CCNH: variants seen among roughly 807,000 people sequenced by gnomAD.
CCNH encodes cyclin-H.
CCNH carries 31 observed loss-of-function variants against 41.9 expected under a neutral mutation model. That is an observed-to-expected ratio of 0.74 (90% CI 0.56 to 1.00). The LOEUF is 1.00. CCNH is among the 50% of genes least tolerant of loss of function. CCNH has a pLI of 0.00. For synonymous variants in CCNH, 138 were observed against 136.1 expected (o/e 1.01, Z -0.10); for missense variants, 362 against 388.4 (o/e 0.93, Z 0.57).
intron 9 of CCNH, among the ~76,000 whole-genome samples, chr5:87,355,956 A>G (rs1314417613): frequency 6.6e-6 from 1 of 152,182 alleles, no homozygotes; most frequent in Admixed American, 6.6e-5. Flanking sequence ...GATGTGACTG[A>G]ATTACTCCAC....
rs749686780 is a variant in CCNH, at chr5:87,399,426, A to C, written c.840T>G (p.Cys280Trp). ...VAVLKQKLER[C>W]HSAELALNVI... ...CGTTAAGTGCAAGCTCAGCAGAATGACATCGCTCCAACTTCTGTTTCAGAA... is the reference window on the plus strand; with the variant it reads ...CGTTAAGTGCAAGCTCAGCAGAATGCCATCGCTCCAACTTCTGTTTCAGAA... The change falls in exon 7 of 9, where the codon TGT becomes TGG. Residue 280 changes from cysteine to tryptophan, a missense_variant. Cys to Trp is a radical substitution (Grantham distance 215). Coordinates refer to ENST00000256897, the MANE Select transcript of CCNH (RefSeq NM_001239.4). The C allele has an allele frequency of 6.2e-7, 1 of 1,613,770 alleles. No homozygotes were observed. Among genetic ancestry groups the C allele is most frequent in the Admixed American group, 1.7e-5 (1 of 60,016 alleles).
chr5:87,321,058 G>A (rs888014269), intron 9 of CCNH, among the ~76,000 whole-genome samples: 1 of 152,124 alleles, frequency 6.6e-6, no homozygotes, highest in African/African-American at 2.4e-5. Flanking sequence ...GAGCCTATTA[G>A]GGAGATAAAT....
intron 9 of CCNH, among the ~76,000 whole-genome samples, chr5:87,345,820 A>G (rs903864994): frequency 2.0e-5 from 3 of 152,096 alleles, no homozygotes; most frequent in Admixed American, 6.6e-5. Flanking sequence ...ATACTTGTAG[A>G]CCCTAAGAAG....
rs13157168 is a variant in CCNH, at chr5:87,331,321, G to A, written c.*91-12424C>T. 47,531 of 1,572,704 alleles carry A rather than the reference G, an allele frequency of 0.03. 909 individuals are homozygous for A. Among genetic ancestry groups the A allele is most frequent in the Non-Finnish European group, 0.037 (42,557 of 1,142,872 alleles). On this transcript the variant is annotated intron_variant and NMD_transcript_variant, in intron 9 of 9. Transcript: ENST00000645953. ...AAATTCTGCACTTGCTATTTATATT[G>A]TAATATCTTCTCTGTTTTTCCCCTA...
downstream of CCNH, chr5:87,392,770 C>G (rs1249971325): frequency 6.3e-6 from 1 of 158,310 alleles, no homozygotes; most frequent in Non-Finnish European, 1.4e-5. Flanking sequence ...TGTTACTTAC[C>G]TTTGTAGGCC....
chr5:87,396,881 C>T (rs999480569), intron 7 of CCNH, among the ~76,000 whole-genome samples: 1 of 152,102 alleles, frequency 6.6e-6, no homozygotes, highest in African/African-American at 2.4e-5. Context: ...GATATACGTG[C>T]AGAGAAAAGG....
chr5:87,346,806 C>A, intron 9 of CCNH: 1 of 1,104,006 alleles, frequency 9.1e-7, no homozygotes, highest in Non-Finnish European at 1.4e-6. Flanking sequence ...TGTGTTTTGC[C>A]TTTAGCATTC....
chr5:87,346,189 C>T (rs1042392814), intron 9 of CCNH, among the ~76,000 whole-genome samples: 1 of 152,014 alleles, frequency 6.6e-6, no homozygotes, highest in South Asian at 2.1e-4. Context: ...GCTATCCACT[C>T]ATTCTTATCA....
At chr5:87,404,741 C>G in intron 5 of CCNH, 103 bp downstream of exon 5, 2 of 904,248 alleles carry the variant, frequency 2.2e-6, no homozygotes, top group Non-Finnish European at 3.2e-6. Flanking sequence ...TCTCACCAAC[C>G]ATCCCAGCCA....
chr5:87,347,450 C>T lies in CCNH; in HGVS notation c.*91-28553G>A, dbSNP rs557142418. Reference sequence around the variant, plus strand: ...TACCGAGCATTTCTTTGGCAAACCACATCTTATAAAGATTTCAGACAAGTT... The same window carrying T: ...TACCGAGCATTTCTTTGGCAAACCATATCTTATAAAGATTTCAGACAAGTT... On this transcript the variant is annotated intron_variant and NMD_transcript_variant, in intron 9 of 9. Transcript: ENST00000645953. Among the ~76,000 whole-genome samples the T allele has an allele frequency of 4.2e-4, 64 of 152,096 alleles. 1 individual carries two copies. Among genetic ancestry groups the T allele is most frequent in the South Asian group, 2.3e-3 (11 of 4,822 alleles).
At chr5:87,364,122 G>A (rs1172050164) in intron 9 of CCNH, among the ~76,000 whole-genome samples, 1 of 151,984 alleles carries the variant, frequency 6.6e-6, no homozygotes, top group African/African-American at 2.4e-5. Flanking sequence ...AGTCTTTTTA[G>A]ATGTACTTAC....
Position 87,403,584 on chromosome 5 carries a change from G to GCCTA in CCNH, c.689+1256_689+1259dup, listed in dbSNP as rs1320638849. Among the ~76,000 whole-genome samples the GCCTA allele has an allele frequency of 4.6e-5, 7 of 152,222 alleles. No individual in the cohort carries two copies. In the East Asian group the frequency reaches 1.4e-3, roughly 29 times the overall value. ...TCGAGTCTAGGAGTGACTGAGATGA[G>GCCTA]CCTAGGCAGCATAGGGAAACCCCAA... On this transcript the variant is annotated intron_variant, in intron 5 of 8. Transcript: ENST00000256897.
chr5:87,386,038 A>T (rs1762040861), intron 9 of CCNH, among the ~76,000 whole-genome samples: 2 of 152,006 alleles, frequency 1.3e-5, no homozygotes. Context: ...GTGTTACAAG[A>T]TTTCCTGTCA....
downstream of CCNH, chr5:87,391,052 A>G (rs1762477371): frequency 2.8e-6 from 2 of 717,210 alleles, no homozygotes; most frequent in Non-Finnish European, 5.0e-6. Context: ...TAACTATGCC[A>G]GCAACCTTGT....
intron 9 of CCNH, among the ~76,000 whole-genome samples, chr5:87,321,427 C>G (rs942047401): frequency 1.3e-5 from 2 of 152,184 alleles, no homozygotes; most frequent in Non-Finnish European, 2.9e-5. Flanking sequence ...GTCTTGGGGT[C>G]TGGGCCCTCC....
At chr5:87,371,061 A>ACT (rs1267585945) in intron 9 of CCNH, among the ~76,000 whole-genome samples, 1 of 152,144 alleles carries the variant, frequency 6.6e-6, no homozygotes, top group Admixed American at 6.6e-5. Context: ...AAATTGAGTT[A>ACT]GAAATTTAAA....
At chr5:87,376,547 G>T in exon 1 of CCNH, 1 of 1,613,862 alleles carries the variant, frequency 6.2e-7, no homozygotes, top group Non-Finnish European at 8.5e-7. Context: ...CAGAAGAAGA[G>T]TACAGTGAAT....
intron 6 of CCNH, among the ~76,000 whole-genome samples, chr5:87,401,220 C>T (rs1763383477): frequency 6.6e-6 from 1 of 152,240 alleles, no homozygotes. Flanking sequence ...CTTTGGCTTG[C>T]AGCCACATCA....
chr5:87,351,773 T>G (rs753006449), intron 9 of CCNH, among the ~76,000 whole-genome samples: 5 of 151,784 alleles, frequency 3.3e-5, no homozygotes, highest in Non-Finnish European at 7.4e-5. Flanking sequence ...GGTAAAAACC[T>G]ATCTGATTGG....
Sources: allele counts gnomAD v4.1 joint callset (sites outside exome capture counted in the v4.1 genomes callset), GRCh38; gene constraint gnomAD v4.1.1; transcripts MANE v1.5; gene names NCBI Gene and HGNC (gene_info 2026-07-23, HGNC 2026-07-21).